The following RIMS2 variants were observed in gnomAD, a reference collection of about 807,000 sequenced individuals.
The protein encoded by RIMS2 is regulating synaptic membrane exocytosis protein 2.
A neutral mutation model predicts 174.4 loss-of-function variants in RIMS2; 59 were observed. The observed-to-expected ratio is 0.34, with a 90% CI of 0.27 to 0.42. The LOEUF (loss-of-function observed/expected upper bound fraction) is 0.42, where lower values mean the gene tolerates loss of function less well. Ranked by LOEUF, RIMS2 falls within the 10% of genes least tolerant of loss-of-function variation. The pLI, the probability that RIMS2 is intolerant of heterozygous loss-of-function variation, is 1.00. For synonymous variants in RIMS2, 606 were observed against 572.5 expected, an observed-to-expected ratio of 1.06 and a Z score of -0.84; for missense variants, 1,620 against 1,666.3, an observed-to-expected ratio of 0.97 and a Z score of 0.48.
intron 1 of RIMS2, among the ~76,000 whole-genome samples, chr8:103,659,217 G>T (rs1317235542): frequency 6.6e-6 from 1 of 152,136 alleles, no homozygotes; most frequent in Non-Finnish European, 1.5e-5. Context: ...GGGGACAGAG[G>T]AGGGAATGGG....
intron 2 of RIMS2, among the ~76,000 whole-genome samples, chr8:103,729,357 G>T (rs551259238): frequency 5.3e-4 from 80 of 151,992 alleles, no homozygotes; most frequent in Middle Eastern, 6.8e-3. Flanking sequence ...CCAACTTACT[G>T]GCATATTGCT....
intron 2 of RIMS2, among the ~76,000 whole-genome samples, chr8:103,720,775 A>G (rs1273307170): frequency 6.6e-6 from 1 of 152,248 alleles, no homozygotes; most frequent in Non-Finnish European, 1.5e-5. Context: ...GAAGGCTAGA[A>G]GAGTTTTGAG....
intron 3 of RIMS2, among the ~76,000 whole-genome samples, chr8:103,811,204 C>T (rs2098685542): frequency 6.6e-6 from 1 of 152,108 alleles, no homozygotes; most frequent in South Asian, 2.1e-4. Flanking sequence ...TTCAGTGGTT[C>T]TCTTGTTAGT....
intron 1 of RIMS2, among the ~76,000 whole-genome samples, chr8:103,642,713 G>A (rs1460803341): frequency 6.6e-6 from 1 of 151,544 alleles, no homozygotes; most frequent in Admixed American, 6.6e-5. Flanking sequence ...AGGTTGGTTG[G>A]TTTCTTTATT....
rs141316868 is a variant in RIMS2 at position 103,912,089 on chromosome 8, C to T, written c.1729C>T (p.Arg577Cys). 646 of 1,601,918 alleles carry T rather than the reference C, an allele frequency of 4.0e-4. 10 individuals are homozygous for T. The East Asian group carries it at 8.9e-3, about 22-fold the overall frequency. Reference sequence around the variant, plus strand: ...CTGGCAACCATCTAAAGATGGAGATCGTTTAATTGGTCGCATTTTATTAAA... The same window carrying T: ...CTGGCAACCATCTAAAGATGGAGATTGTTTAATTGGTCGCATTTTATTAAA... Residue 577 changes from arginine to cysteine, a missense_variant, in exon 6 of 24, where the codon CGT becomes TGT. Around this residue, in one of 2 missense-constraint regions of RIMS2, gnomAD observed 1,395 missense variants for 1,360.1 expected, o/e 1.03. Transcript: ENST00000504942.
At chr8:103,516,010 A>G (rs1046809837) in intron 1 of RIMS2, among the ~76,000 whole-genome samples, 3 of 152,076 alleles carry the variant, frequency 2.0e-5, no homozygotes, top group African/African-American at 4.8e-5. Flanking sequence ...TACACTTACT[A>G]ATATCATTGA....
chr8:103,834,728 CTT>C (rs1157814804), intron 3 of RIMS2, among the ~76,000 whole-genome samples: 16 of 121,024 alleles, frequency 1.3e-4, no homozygotes, highest in East Asian at 5.8e-4. Context: ...TTCTTTCTTT[CTT>C]TCTTTCTTTC....
chr8:103,513,464 T>TTAC (rs1423291819), intron 1 of RIMS2, among the ~76,000 whole-genome samples: 1 of 152,194 alleles, frequency 6.6e-6, no homozygotes, highest in African/African-American at 2.4e-5. Flanking sequence ...TAAAGGTGTA[T>TTAC]ATACTATAAG....
chr8:104,166,253 AGGC>A (rs2098797392), intron 19 of RIMS2, among the ~76,000 whole-genome samples: 1 of 151,044 alleles, frequency 6.6e-6, no homozygotes. Context: ...TTTTTAGTAG[AGGC>A]GGGGTTTCAC....
chr8:103,752,205 G>T (rs558064526), intron 2 of RIMS2, among the ~76,000 whole-genome samples: 1 of 152,188 alleles, frequency 6.6e-6, no homozygotes, highest in South Asian at 2.1e-4. Context: ...TATTAAATAG[G>T]GAATCCTTTC....
At chr8:104,213,605 A>C (rs1336353129) in intron 19 of RIMS2, among the ~76,000 whole-genome samples, 2 of 152,152 alleles carry the variant, frequency 1.3e-5, no homozygotes, top group Admixed American at 1.3e-4. Context: ...GGCCGGGTGC[A>C]GTGGCTGATG....
chr8:103,528,789 C>T (rs1835401376), intron 1 of RIMS2, among the ~76,000 whole-genome samples: 1 of 152,168 alleles, frequency 6.6e-6, no homozygotes, highest in Admixed American at 6.5e-5. Flanking sequence ...GTTTTGGTTA[C>T]TGTAGCCTTG....
intron 12 of RIMS2, among the ~76,000 whole-genome samples, chr8:103,936,169 A>G (rs1008610104): frequency 6.6e-5 from 10 of 152,324 alleles, no homozygotes; most frequent in African/African-American, 2.2e-4. Flanking sequence ...CTGTAGTTTA[A>G]GTGAATAGTA....
chr8:103,690,362 C>T (rs1203487216), intron 1 of RIMS2, among the ~76,000 whole-genome samples: 1 of 152,140 alleles, frequency 6.6e-6, no homozygotes, highest in East Asian at 1.9e-4. Flanking sequence ...TTATGGTCCT[C>T]TCTTCCTTCT....
At chr8:103,559,601 G>A (rs2091252671) in intron 1 of RIMS2, among the ~76,000 whole-genome samples, 1 of 152,138 alleles carries the variant, frequency 6.6e-6, no homozygotes, top group African/African-American at 2.4e-5. Flanking sequence ...TAATGACACT[G>A]TCAACTCATG....
chr8:104,107,400 C>T (rs1024216465), intron 19 of RIMS2, among the ~76,000 whole-genome samples: 1 of 152,072 alleles, frequency 6.6e-6, no homozygotes, highest in African/African-American at 2.4e-5. Flanking sequence ...TTTAATCTAT[C>T]ATGGTTGATT....
At chr8:103,716,633 A>G (rs1044243705) in intron 2 of RIMS2, among the ~76,000 whole-genome samples, 1 of 152,052 alleles carries the variant, frequency 6.6e-6, no homozygotes, top group Non-Finnish European at 1.5e-5. Context: ...ATAAATTTCT[A>G]TAATCTTCTA....
chr8:104,096,046 T>C (rs1365075874), intron 19 of RIMS2, among the ~76,000 whole-genome samples: 3 of 152,208 alleles, frequency 2.0e-5, no homozygotes, highest in African/African-American at 4.8e-5. Context: ...TCTTTGGTAT[T>C]TAACTTTTGA....
intron 1 of RIMS2, among the ~76,000 whole-genome samples, chr8:103,526,716 G>A (rs796093830): frequency 1.4e-4 from 22 of 152,262 alleles, no homozygotes; most frequent in African/African-American, 4.8e-4. Flanking sequence ...TAGGAGAAAT[G>A]AGAAAATATG....
Sources: allele counts gnomAD v4.1 joint callset (sites outside exome capture counted in the v4.1 genomes callset), GRCh38; gene constraint gnomAD v4.1.1; regional missense constraint gnomAD v4.1.1; transcripts MANE v1.5; gene names NCBI Gene and HGNC (gene_info 2026-07-23, HGNC 2026-07-21).